The following LYST variants were observed in gnomAD, a reference collection of about 807,000 sequenced individuals.
LYST encodes the protein lysosomal-trafficking regulator.
LYST carries 192 observed loss-of-function variants against 413.6 expected under a neutral mutation model. The observed-to-expected ratio is 0.46, with a 90% CI of 0.41 to 0.52. LYST has a LOEUF of 0.52. LYST is among the 20% of genes least tolerant of loss of function. The pLI is 0.00. For missense variants in LYST, 3,815 were observed against 4,499.9 expected, an observed-to-expected ratio of 0.85 and a Z score of 4.35; for synonymous variants, 1,525 against 1,567.3, an observed-to-expected ratio of 0.97 and a Z score of 0.64.
At chr1:235,864,279 T>C (rs916239290) in intron 1 of LYST, among the ~76,000 whole-genome samples, 4 of 152,154 alleles carry the variant, frequency 2.6e-5, no homozygotes, top group African/African-American at 7.2e-5. Flanking sequence ...ACAAGTATCA[T>C]TGAATATTTT....
At chr1:235,883,311 T>G (rs189869537) in exon 1 of LYST, 1 of 152,754 alleles carries the variant, frequency 6.5e-6, no homozygotes, top group East Asian at 1.9e-4. Context: ...GCTGGGTCTC[T>G]TGTTTGCAGT....
chr1:235,845,532 G>C (rs570355759), intron 1 of LYST, among the ~76,000 whole-genome samples: 1 of 152,198 alleles, frequency 6.6e-6, no homozygotes, highest in Non-Finnish European at 1.5e-5. Flanking sequence ...AGACTTCACA[G>C]GTGGAAGGAA....
chr1:235,762,893 AG>A, intron 21 of LYST, 42 bp from the exon 22 acceptor site: 1 of 1,481,208 alleles, frequency 6.8e-7, no homozygotes, highest in Non-Finnish European at 9.4e-7. Context: ...ATTTTTAAAA[AG>A]GATAAAACGA....
At chr1:235,756,902 T>C (rs889104750) in intron 24 of LYST, among the ~76,000 whole-genome samples, 7 of 152,118 alleles carry the variant, frequency 4.6e-5, no homozygotes, top group African/African-American at 1.4e-4. Flanking sequence ...TAAAATTTGA[T>C]AGTACACTGA....
At chr1:235,873,921 A>C (rs760701987) in intron 1 of LYST, among the ~76,000 whole-genome samples, 2 of 152,230 alleles carry the variant, frequency 1.3e-5, no homozygotes, top group African/African-American at 2.4e-5. Context: ...CAGATTAAAA[A>C]TTACAAGGAC....
At chr1:235,690,873 G>A (rs1307988072) in intron 47 of LYST, among the ~76,000 whole-genome samples, 1 of 151,986 alleles carries the variant, frequency 6.6e-6, no homozygotes, top group African/African-American at 2.4e-5. Context: ...GGTTGCAGCA[G>A]CATACTGTAT....
At chr1:235,788,155 T>TTTTA (rs969294381) in intron 13 of LYST, among the ~76,000 whole-genome samples, 2 of 151,948 alleles carry the variant, frequency 1.3e-5, no homozygotes, top group Admixed American at 6.6e-5. Context: ...TATTTTTTGT[T>TTTTA]TTTATTTATT....
chr1:235,804,766 C>A, intron 6 of LYST, 101 bp from the exon 7 acceptor site: 1 of 743,678 alleles, frequency 1.3e-6, no homozygotes, highest in Non-Finnish European at 2.2e-6. Flanking sequence ...TAAAGCTAAT[C>A]CATTTATTTG....
At chr1:235,859,449 G>T (rs192865013) in intron 1 of LYST, among the ~76,000 whole-genome samples, 1 of 150,922 alleles carries the variant, frequency 6.6e-6, no homozygotes, top group East Asian at 1.9e-4. Flanking sequence ...TATATTTACT[G>T]AACAAATGAA....
chr1:235,835,673 T>C (rs1041391368), intron 1 of LYST, among the ~76,000 whole-genome samples: 3 of 152,252 alleles, frequency 2.0e-5, no homozygotes, highest in African/African-American at 7.2e-5. Flanking sequence ...ACCTGTATTC[T>C]AATTTTTATC....
At chr1:235,860,973 C>A (rs1376836721) in intron 1 of LYST, among the ~76,000 whole-genome samples, 2 of 151,888 alleles carry the variant, frequency 1.3e-5, no homozygotes, top group South Asian at 2.1e-4. Context: ...TTTGGTCTGG[C>A]TTTTTTTCGT....
At chr1:235,787,650 A>ATAT in intron 13 of LYST, among the ~76,000 whole-genome samples, 1 of 152,070 alleles carries the variant, frequency 6.6e-6, no homozygotes, top group African/African-American at 2.4e-5. Flanking sequence ...AAAAAAATAT[A>ATAT]TATTATTACT....
chr1:235,737,918 T>TAC lies in LYST; in HGVS notation c.8359-3260_8359-3259insGT. 33 of 1,164,664 alleles carry TAC rather than the reference T, an allele frequency of 2.8e-5. No homozygotes were observed. In the Admixed American group the frequency reaches 3.1e-4, roughly 11 times the overall value. 72.1% of individuals were successfully genotyped at this position (1,164,664 alleles called of 1,614,324 possible). A position where few individuals can be genotyped will look rare whatever the true frequency, so the allele number is the denominator to read the frequency against. ...AGGTGCTGGAGCCGCTGCCGACGAGTCTGGATCTCACTGCCGCGTGCCCCA... is the reference window on the plus strand; with the variant it reads ...AGGTGCTGGAGCCGCTGCCGACGAGTACCTGGATCTCACTGCCGCGTGCCCCA... On this transcript the variant is annotated intron_variant, in intron 31 of 52. Coordinates refer to ENST00000389793, the MANE Select transcript of LYST (RefSeq NM_000081.4).
At chr1:235,801,244 T>C in intron 8 of LYST, 147 bp from the exon 9 acceptor site, 1 of 639,690 alleles carries the variant, frequency 1.6e-6, no homozygotes. Flanking sequence ...ATAACACAAC[T>C]TTTGACAATG....
chr1:235,786,944 T>TG (rs1670484214), intron 14 of LYST: 1 of 311,498 alleles, frequency 3.2e-6, no homozygotes, highest in African/African-American at 2.2e-5. Flanking sequence ...ATATACCTAA[T>TG]GTAAATGACG....
At chr1:235,738,416 G>C (rs1665011026) in intron 31 of LYST, 1 of 1,613,504 alleles carries the variant, frequency 6.2e-7, no homozygotes, top group African/African-American at 1.3e-5. Context: ...TTCAAATCCA[G>C]TGGATATCTT....
In LYST at chr1:235,778,366, A is replaced by C. The variant is rs990109323; in HGVS notation, c.5215-1058T>G. Among the ~76,000 whole-genome samples, 9 of 150,508 alleles carry C rather than the reference A, an allele frequency of 6.0e-5. No homozygotes were observed. In the South Asian group the frequency reaches 1.5e-3, roughly 25 times the overall value. The stretch of plus-strand genomic sequence containing the variant: ...GGGGCCTTGTGCTTAGATTATTCTT[A>C]TTATTTATTTATTTATTTATTTTTC... On this transcript the variant is annotated intron_variant, in intron 16 of 52. Coordinates refer to ENST00000389793, the MANE Select transcript of LYST (RefSeq NM_000081.4).
intron 16 of LYST, 57 bp from the exon 17 acceptor site, chr1:235,777,365 A>G: frequency 6.8e-7 from 1 of 1,473,482 alleles, no homozygotes; most frequent in Non-Finnish European, 9.4e-7. Context: ...GCAAGCTATG[A>G]ACTAGCAAGT....
At chr1:235,872,652 G>A (rs111592940) in intron 1 of LYST, among the ~76,000 whole-genome samples, 3,256 of 152,248 alleles carry the variant, frequency 0.021, 114 homozygotes, top group African/African-American at 0.074. Flanking sequence ...CAGAAAGAGT[G>A]GCTCATACCT....
Sources: allele counts gnomAD v4.1 joint callset (sites outside exome capture counted in the v4.1 genomes callset), GRCh38; gene constraint gnomAD v4.1.1; transcripts MANE v1.5; gene names NCBI Gene and HGNC (gene_info 2026-07-23, HGNC 2026-07-21).